PCCA: variants seen among roughly 807,000 people sequenced by gnomAD.
PCCA encodes propionyl-CoA carboxylase alpha chain, mitochondrial.
PCCA carries 74 observed loss-of-function variants against 101.3 expected under a neutral mutation model. That is an observed-to-expected ratio of 0.73 (90% CI 0.61 to 0.89). The LOEUF (loss-of-function observed/expected upper bound fraction) is 0.89, where lower values mean the gene tolerates loss of function less well. Among genes scored for constraint, PCCA ranks in the 40% least tolerant of loss-of-function variants. The probability of loss-of-function intolerance (pLI) is 0.00; values close to 1 mark genes in which losing one functional copy is unlikely to be tolerated. For synonymous variants in PCCA, 294 were observed against 313.6 expected, an observed-to-expected ratio of 0.94 and a Z score of 0.66; for missense variants, 891 against 907.0, an observed-to-expected ratio of 0.98 and a Z score of 0.23.
chr13:100,188,709 C>T (rs1421533561), intron 6 of PCCA, among the ~76,000 whole-genome samples: 3 of 152,174 alleles, frequency 2.0e-5, no homozygotes, highest in African/African-American at 7.2e-5. Flanking sequence ...ACCACATCCA[C>T]GCCAACATCT....
chr13:100,266,227 G>A (rs1434667140), intron 10 of PCCA, among the ~76,000 whole-genome samples: 1 of 152,112 alleles, frequency 6.6e-6, no homozygotes, highest in African/African-American at 2.4e-5. Context: ...TAGAGAGTAG[G>A]TCTTACTCAT....
chr13:100,492,577 G>A (rs2084984918), intron 21 of PCCA, among the ~76,000 whole-genome samples: 1 of 151,698 alleles, frequency 6.6e-6, no homozygotes, highest in South Asian at 2.1e-4. Context: ...ATACTGGGTA[G>A]AAGAGGGTGG....
chr13:100,092,061 C>G (rs2046329248), intron 1 of PCCA, among the ~76,000 whole-genome samples: 1 of 151,946 alleles, frequency 6.6e-6, no homozygotes, highest in African/African-American at 2.4e-5. Context: ...GCTGGGACTA[C>G]AGGCGCACGC....
At chr13:100,506,446 A>G (rs1343966949) in intron 21 of PCCA, among the ~76,000 whole-genome samples, 8 of 152,092 alleles carry the variant, frequency 5.3e-5, no homozygotes, top group Admixed American at 2.0e-4. Flanking sequence ...CCGACGGTCT[A>G]CCTCACAGTA....
At chr13:100,277,276 G>C (rs904689342) in intron 12 of PCCA, among the ~76,000 whole-genome samples, 6 of 152,030 alleles carry the variant, frequency 3.9e-5, no homozygotes, top group African/African-American at 1.2e-4. Flanking sequence ...TCTTATCTTC[G>C]TGGTTATGCT....
intron 19 of PCCA, among the ~76,000 whole-genome samples, chr13:100,375,759 C>T (rs967791885): frequency 6.6e-6 from 1 of 152,146 alleles, no homozygotes; most frequent in Non-Finnish European, 1.5e-5. Context: ...AACCAGCTAG[C>T]ATTATAATGA....
At chr13:100,209,841 A>T (rs528913244) in intron 7 of PCCA, among the ~76,000 whole-genome samples, 1 of 152,252 alleles carries the variant, frequency 6.6e-6, no homozygotes, top group African/African-American at 2.4e-5. Flanking sequence ...CATGTTGGCC[A>T]GGCTGGTCTC....
At position 100,089,096 on chromosome 13, in the gene PCCA, A is replaced by G. The variant is rs749377232; in HGVS notation, c.-25A>G. ...CCCTCCGGCTGTGTGAGAGGTCAGCAGAGGGGCGGTCTGCGGGGACAACAA... is the reference window on the plus strand; with the variant it reads ...CCCTCCGGCTGTGTGAGAGGTCAGCGGAGGGGCGGTCTGCGGGGACAACAA... On this transcript the variant is annotated 5_prime_UTR_variant, in exon 1 of 24. Coordinates refer to ENST00000376285, the MANE Select transcript of PCCA (RefSeq NM_000282.4). The G allele has an allele frequency of 2.8e-5, 41 of 1,460,936 alleles. No homozygotes were observed. The highest frequency in any genetic ancestry group is 3.5e-5 in the Non-Finnish European group (38 of 1,099,870). The allele number at this position is 1,460,936 out of a possible 1,614,324, so 90.5% of individuals were successfully genotyped here.
intron 6 of PCCA, among the ~76,000 whole-genome samples, chr13:100,202,975 GA>G (rs2058619052): frequency 6.6e-6 from 1 of 151,782 alleles, no homozygotes; most frequent in Admixed American, 6.6e-5. Context: ...AACTTGTTTT[GA>G]AATATTAGAT....
chr13:100,359,687 A>G (rs1342086527), intron 18 of PCCA, among the ~76,000 whole-genome samples: 2 of 152,250 alleles, frequency 1.3e-5, no homozygotes, highest in Non-Finnish European at 2.9e-5. Context: ...TTGGTTACCT[A>G]AGAAAACTCT....
chr13:100,200,480 G>A (rs1435567387), intron 6 of PCCA, among the ~76,000 whole-genome samples: 2 of 152,036 alleles, frequency 1.3e-5, no homozygotes, highest in South Asian at 2.1e-4. Flanking sequence ...CACAGTTGGG[G>A]TACTAGGCAT....
intron 12 of PCCA, among the ~76,000 whole-genome samples, chr13:100,298,500 G>A (rs1266360295): frequency 1.3e-5 from 2 of 151,944 alleles, no homozygotes; most frequent in South Asian, 2.1e-4. Context: ...TTCTAAGTGG[G>A]ACAAGATGAA....
At chr13:100,256,018 T>G (rs976421316) in intron 8 of PCCA, among the ~76,000 whole-genome samples, 6 of 152,176 alleles carry the variant, frequency 3.9e-5, no homozygotes, top group African/African-American at 1.4e-4. Flanking sequence ...TAAATAGCCC[T>G]TTCTTTTTTT....
At chr13:100,324,831 C>T (rs1566936239) in intron 16 of PCCA, among the ~76,000 whole-genome samples, 2 of 152,180 alleles carry the variant, frequency 1.3e-5, no homozygotes, top group East Asian at 1.9e-4. Context: ...GATCAGTTCT[C>T]TCTCCAGTAA....
At chr13:100,196,891 G>A (rs766647077) in intron 6 of PCCA, among the ~76,000 whole-genome samples, 2 of 152,162 alleles carry the variant, frequency 1.3e-5, no homozygotes, top group African/African-American at 4.8e-5. Context: ...TTTACAATGA[G>A]CTGGTAAGAG....
intron 8 of PCCA, among the ~76,000 whole-genome samples, chr13:100,248,269 G>A (rs896580246): frequency 1.3e-5 from 2 of 151,818 alleles, no homozygotes; most frequent in African/African-American, 2.4e-5. Context: ...TTTGGATTCT[G>A]TTTTCTTTCT....
At chr13:100,113,257 A>T (rs2048490037) in intron 4 of PCCA, among the ~76,000 whole-genome samples, 1 of 152,194 alleles carries the variant, frequency 6.6e-6, no homozygotes, top group Middle Eastern at 3.2e-3. Context: ...CACAATGGTA[A>T]GTATTTGTGT....
At chr13:100,167,136 C>T (rs1464040699) in intron 6 of PCCA, among the ~76,000 whole-genome samples, 1 of 152,136 alleles carries the variant, frequency 6.6e-6, no homozygotes, top group African/African-American at 2.4e-5. Context: ...ATATTTTCTC[C>T]CATGATGTGG....
intron 19 of PCCA, among the ~76,000 whole-genome samples, chr13:100,422,068 T>A (rs1314609845): frequency 3.9e-5 from 1 of 25,750 alleles, no homozygotes; most frequent in East Asian, 1.0e-3. Context: ...TCTTCTCTTT[T>A]CTTTTCTTTC....
Sources: allele counts gnomAD v4.1 joint callset (sites outside exome capture counted in the v4.1 genomes callset), GRCh38; gene constraint gnomAD v4.1.1; transcripts MANE v1.5; gene names NCBI Gene and HGNC (gene_info 2026-07-23, HGNC 2026-07-21).